The following ZNF397 variants were observed in gnomAD, a reference collection of about 807,000 sequenced individuals.
ZNF397 encodes zinc finger protein 397, also known as zinc finger and SCAN domain-containing protein 15.
Under a neutral mutation model 50.6 loss-of-function variants are expected in ZNF397, and 38 were observed. That is an observed-to-expected ratio of 0.75 (90% confidence interval 0.58 to 0.98). The LOEUF is 0.98. ZNF397 is among the 50% of genes least tolerant of loss of function. The probability of loss-of-function intolerance (pLI) is 0.00; values close to 1 mark genes in which losing one functional copy is unlikely to be tolerated. For missense variants in ZNF397, 624 were observed against 624.1 expected, an observed-to-expected ratio of 1.00 and a Z score of 0.00; for synonymous variants, 228 against 215.2, an observed-to-expected ratio of 1.06 and a Z score of -0.52.
At chr18:35,253,707 C>T, downstream of ZNF397, 2 of 1,614,144 alleles carry the variant, frequency 1.2e-6, no homozygotes, top group Non-Finnish European at 1.7e-6. Context: ...TAGCTTTTAT[C>T]TCCAGTGTGA....
rs943926885 is a variant in ZNF397 at position 35,246,504 on chromosome 18, G to A, written c.*194G>A. ...GCTTTTCCTGTGACTAATCAGAACA[G>A]AATACAGAAGAATCATTACTTCCAG... On this transcript the variant is annotated 3_prime_UTR_variant, in exon 4 of 4. Coordinates refer to ENST00000330501, the MANE Select transcript of ZNF397 (RefSeq NM_001135178.3). 1 of 1,340,266 alleles carries A rather than the reference G, an allele frequency of 7.5e-7. No individual in the cohort carries two copies. Among genetic ancestry groups the A allele is most frequent in the Non-Finnish European group, 9.5e-7 (1 of 1,049,402 alleles). The allele number at this position is 1,340,266 out of a possible 1,614,324, so 83.0% of individuals were successfully genotyped here.
chr18:35,250,054 T>G (rs1449129688), downstream of ZNF397, among the ~76,000 whole-genome samples: 1 of 152,206 alleles, frequency 6.6e-6, no homozygotes, highest in Non-Finnish European at 1.5e-5. Flanking sequence ...CCTTCATCAC[T>G]GGTAAAATGA....
rs759951681 is a variant in ZNF397 at position 35,242,484 on chromosome 18, CTG to C, written c.15_16del (p.Gly6SerfsTer23). ...TTTCAGCCAAGAATGGCTGTGGAATCTGGAGTGATTTCAACCCTGATACCTCA... is the reference window on the plus strand; with the variant it reads ...TTTCAGCCAAGAATGGCTGTGGAATCGAGTGATTTCAACCCTGATACCTCA... On this transcript the variant is annotated frameshift_variant, in exon 2 of 4. Coordinates refer to ENST00000330501, the MANE Select transcript of ZNF397 (RefSeq NM_001135178.3). LOFTEE classifies it high-confidence loss of function. 1.9e-6 allele frequency: 3 copies of C among 1,612,460 alleles called. No individual in the cohort carries two copies. The highest frequency in any genetic ancestry group is 2.5e-6 in the Non-Finnish European group (3 of 1,178,868).
In ZNF397 at chr18:35,242,435, T is replaced by A; in HGVS notation, c.-36T>A. 1 of 1,584,798 alleles carries A rather than the reference T, an allele frequency of 6.3e-7. No homozygotes were observed. The stretch of plus-strand genomic sequence containing the variant: ...ACTCCTTCGCAAGCACAGAACCAGT[T>A]GTACTGAGCTTTTTGCTAAGCTGTT... On this transcript the variant is annotated 5_prime_UTR_variant, in exon 2 of 4. Transcript: ENST00000330501.
At position 35,242,439 on chromosome 18, in the gene ZNF397, C is replaced by T. The variant is rs12953621; in HGVS notation, c.-32C>T. The T allele has an allele frequency of 1.3e-6, 2 of 1,593,116 alleles. No individual in the cohort carries two copies. Among genetic ancestry groups the T allele is most frequent in the Non-Finnish European group, 1.7e-6 (2 of 1,168,792 alleles). ...CTTCGCAAGCACAGAACCAGTTGTA[C>T]TGAGCTTTTTGCTAAGCTGTTTCAG... On this transcript the variant is annotated 5_prime_UTR_variant, in exon 2 of 4. Coordinates refer to ENST00000330501, the MANE Select transcript of ZNF397 (RefSeq NM_001135178.3).
chr18:35,253,716 G>A (rs182116969), downstream of ZNF397: 7 of 1,614,118 alleles, frequency 4.3e-6, no homozygotes, highest in African/African-American at 9.3e-5. Flanking sequence ...TCTCCAGTGT[G>A]AATTTTCTTA....
chr18:35,250,591 C>T (rs1250028117), downstream of ZNF397, among the ~76,000 whole-genome samples: 1 of 152,154 alleles, frequency 6.6e-6, no homozygotes, highest in Non-Finnish European at 1.5e-5. Flanking sequence ...CTAATACATC[C>T]AGCTGAAAGG....
At chr18:35,251,837 C>T (rs2143634186), downstream of ZNF397, 1 of 151,814 alleles carries the variant, frequency 6.6e-6, no homozygotes, top group Admixed American at 6.6e-5. Context: ...CAGGTAGTAT[C>T]TTCATAGCAC....
Position 35,247,241 on chromosome 18 carries a change from G to A in ZNF397, c.*931G>A. 2.1e-6 allele frequency: 2 copies of A among 938,838 alleles called. No homozygotes were observed. The highest frequency in any genetic ancestry group is 2.5e-6 in the Non-Finnish European group (2 of 787,510). 58.2% of individuals were successfully genotyped at this position (938,838 alleles called of 1,614,324 possible). A position where few individuals can be genotyped will look rare whatever the true frequency, so the allele number is the denominator to read the frequency against. On this transcript the variant is annotated 3_prime_UTR_variant, in exon 4 of 4. Coordinates refer to ENST00000330501, the MANE Select transcript of ZNF397 (RefSeq NM_001135178.3). ...TAATAGACAAAACCTGGAGCCCTTG[G>A]GCCACAGGGTAGTCAAGAGCTTTGT...
At chr18:35,257,688 T>A (rs367667533) in intron 5 of ZNF397, among the ~76,000 whole-genome samples, 2 of 152,156 alleles carry the variant, frequency 1.3e-5, no homozygotes, top group Non-Finnish European at 2.9e-5. Flanking sequence ...CTCCTAACTA[T>A]ACAGAGATGC....
intron 3 of ZNF397, among the ~76,000 whole-genome samples, 181 bp from the exon 4 acceptor site, chr18:35,245,081 G>A (rs1019707084): frequency 6.6e-6 from 1 of 152,122 alleles, no homozygotes; most frequent in Non-Finnish European, 1.5e-5. Flanking sequence ...GATGGAATTC[G>A]AAGTGTAGAT....
Position 35,246,575 on chromosome 18 carries a change from G to A in ZNF397, c.*265G>A, listed in dbSNP as rs2043486276. 1 of 1,226,594 alleles carries A rather than the reference G, an allele frequency of 8.2e-7. No homozygotes were observed. Among genetic ancestry groups the A allele is most frequent in the East Asian group, 3.9e-5 (1 of 25,778 alleles). The allele number at this position is 1,226,594 out of a possible 1,614,324, so 76.0% of individuals were successfully genotyped here. ...CTCAGGAAATACGAAAAGTGGGAAT[G>A]TAACATTGAAACCTCATTTTGTATG... On this transcript the variant is annotated 3_prime_UTR_variant, in exon 4 of 4. Transcript: ENST00000330501.
At chr18:35,243,045 C>T (rs1462787326) in intron 2 of ZNF397, 107 bp from the exon 3 acceptor site, 19 of 1,539,242 alleles carry the variant, frequency 1.2e-5, no homozygotes, top group Non-Finnish European at 1.5e-5. Context: ...TCTTTTTCCC[C>T]TGTCCTTCAT....
Position 35,249,565 on chromosome 18 carries a change from A to T in ZNF397, c.*3255A>T, listed in dbSNP as rs537400733. The T allele has an allele frequency of 6.8e-6, 1 of 147,894 alleles. No homozygotes were observed. The highest frequency in any genetic ancestry group is 6.9e-5 in the Admixed American group (1 of 14,522). The allele number at this position is 147,894 out of a possible 1,614,324, so 9.2% of individuals were successfully genotyped here. A position where few individuals can be genotyped will look rare whatever the true frequency, so the allele number is the denominator to read the frequency against. On this transcript the variant is annotated 3_prime_UTR_variant, in exon 4 of 4. Coordinates refer to ENST00000330501, the MANE Select transcript of ZNF397 (RefSeq NM_001135178.3). ...CTACTTGGGAGGCTGAGACAGGAGA[A>T]TTGCATGAACCCGGGAGGTGGAGGT...
At chr18:35,254,867 G>GCA (rs937359447) in intron 5 of ZNF397, 1 of 165,480 alleles carries the variant, frequency 6.0e-6, no homozygotes, top group African/African-American at 2.4e-5. Context: ...AACAGAGGTA[G>GCA]CTGGGCAGCA....
intron 3 of ZNF397, among the ~76,000 whole-genome samples, chr18:35,244,865 T>TGAGAGAGTGAGGTTGCGAAACCACTTGA (rs1269780069): frequency 6.6e-6 from 1 of 152,112 alleles, no homozygotes; most frequent in African/African-American, 2.4e-5. Flanking sequence ...GAAATCACTA[T>TGAGAGAGTGAGGTTGCGAAACCACTTGA]GAGAGAGTGA....
intron 5 of ZNF397, chr18:35,256,332 C>G (rs991414003): frequency 6.6e-6 from 1 of 152,174 alleles, no homozygotes; most frequent in Non-Finnish European, 1.5e-5. Flanking sequence ...CTGAGGCAGG[C>G]AGATCGCTTG....
chr18:35,244,209 T>G (rs1183476021), intron 3 of ZNF397: 2 of 154,356 alleles, frequency 1.3e-5, no homozygotes, highest in Non-Finnish European at 2.9e-5. Flanking sequence ...TGGTAATTAT[T>G]AAAACTAGAG....
chr18:35,257,265 T>A (rs2043862136), intron 5 of ZNF397: 1 of 152,558 alleles, frequency 6.6e-6, no homozygotes, highest in East Asian at 1.9e-4. Flanking sequence ...ATGTCAGTGA[T>A]GCTCCACTGC....
Sources: gnomAD v4.1 joint callset for allele counts (sites outside exome capture counted in the v4.1 genomes callset) on GRCh38, gnomAD v4.1.1 for gene constraint, MANE v1.5 for transcripts, NCBI Gene and HGNC (gene_info 2026-07-23, HGNC 2026-07-21) for gene names.